The following SPP2 variants were observed in gnomAD, a reference collection of about 807,000 sequenced individuals.
The protein encoded by SPP2 is secreted phosphoprotein 24.
A neutral mutation model predicts 28.8 loss-of-function variants in SPP2; 34 were observed. That is an observed-to-expected ratio of 1.18 (90% CI 0.90 to 1.57). The LOEUF (loss-of-function observed/expected upper bound fraction) is 1.57. Ranked by LOEUF, SPP2 falls within the 40% of genes most tolerant of loss-of-function variation. The probability of loss-of-function intolerance (pLI) is 0.00; values close to 1 mark genes in which losing one functional copy is unlikely to be tolerated. For missense variants in SPP2, 269 were observed against 263.9 expected, an observed-to-expected ratio of 1.02 and a Z score of -0.13; for synonymous variants, 96 against 89.4, an observed-to-expected ratio of 1.07 and a Z score of -0.42.
chr2:234,058,142 C>T (rs142028192), intron 2 of SPP2, among the ~76,000 whole-genome samples: 2 of 152,314 alleles, frequency 1.3e-5, no homozygotes, highest in African/African-American at 2.4e-5. Context: ...TCACGACCAA[C>T]AGCACTGTGA....
chr2:234,068,203 T>C (rs891423596), intron 6 of SPP2, among the ~76,000 whole-genome samples: 20 of 152,246 alleles, frequency 1.3e-4, no homozygotes, highest in Non-Finnish European at 2.1e-4. Flanking sequence ...TTAAATGGCA[T>C]ATGCAAATTG....
At chr2:234,052,571 A>G (rs1208473028) in intron 2 of SPP2, among the ~76,000 whole-genome samples, 5 of 152,292 alleles carry the variant, frequency 3.3e-5, no homozygotes, top group Admixed American at 6.5e-5. Flanking sequence ...CCATCTTGGT[A>G]TAGTCACCCA....
Position 234,058,931 on chromosome 2 carries a change from A to G in SPP2, c.306A>G (p.Thr102=). ...AGGATTCTGGAGAAGATCCCGCTAC[A>G]TGTGCCTTCCAGAGGGACTACTATG... is the stretch of plus-strand genomic sequence containing the variant. ...CRKDSGEDPA[T]CAFQRDYYVS... The change falls in exon 3 of 8, where the codon ACA becomes ACG. Residue 102 remains threonine, a synonymous_variant. Transcript: ENST00000168148. The G allele has an allele frequency of 6.2e-7, 1 of 1,614,090 alleles. No homozygotes were observed. The highest frequency in any genetic ancestry group is 8.5e-7 in the Non-Finnish European group (1 of 1,179,962).
intron 2 of SPP2, among the ~76,000 whole-genome samples, chr2:234,055,433 A>G (rs1693586955): frequency 6.6e-6 from 1 of 152,218 alleles, no homozygotes. Context: ...TTAAATATTA[A>G]TCCCATTCAA....
Position 234,076,303 on chromosome 2 carries a change from C to T in SPP2, c.*11-542C>T, listed in dbSNP as rs201326997. ...GGTCCCAGTCTGGGTCTCACCTCCA[C>T]TCTCAGGCCCCCTCTGCTGGGATAC... is the stretch of plus-strand genomic sequence containing the variant. On this transcript the variant is annotated intron_variant, in intron 7 of 7. Transcript: ENST00000168148. Among the ~76,000 whole-genome samples, 7 of 152,290 alleles carry T rather than the reference C, an allele frequency of 4.6e-5. No homozygotes were observed. In the East Asian group the frequency reaches 1.4e-3, roughly 29 times the overall value.
chr2:234,071,014 C>G (rs930638599), intron 7 of SPP2, among the ~76,000 whole-genome samples: 4 of 152,156 alleles, frequency 2.6e-5, no homozygotes, highest in Non-Finnish European at 4.4e-5. Flanking sequence ...GACAAGCTCC[C>G]TTTCTTAATT....
At position 234,058,937 on chromosome 2, in the gene SPP2, C is replaced by T; in HGVS notation, c.312C>T (p.Ala104=). The T allele has an allele frequency of 1.2e-6, 2 of 1,613,988 alleles. No homozygotes were observed. Among genetic ancestry groups the T allele is most frequent in the Non-Finnish European group, 1.7e-6 (2 of 1,179,936 alleles). ...CTGGAGAAGATCCCGCTACATGTGC[C>T]TTCCAGAGGGACTACTATGTGGTAA... ...KDSGEDPATC[A]FQRDYYVSTA... Residue 104 remains alanine, a synonymous_variant, in exon 3 of 8, where the codon GCC becomes GCT. Transcript: ENST00000168148.
intron 4 of SPP2, among the ~76,000 whole-genome samples, chr2:234,061,640 C>G (rs1693721496): frequency 6.6e-6 from 1 of 152,018 alleles, no homozygotes; most frequent in Non-Finnish European, 1.5e-5. Flanking sequence ...TTAATTTTCC[C>G]ATATAATTAA....
intron 4 of SPP2, among the ~76,000 whole-genome samples, chr2:234,065,336 G>T (rs1693796173): frequency 6.6e-6 from 1 of 152,152 alleles, no homozygotes; most frequent in Non-Finnish European, 1.5e-5. Flanking sequence ...CTGGAGTGCG[G>T]TGGCACAATC....
chr2:234,058,122 A>T (rs1395841), intron 2 of SPP2, among the ~76,000 whole-genome samples: 48,277 of 152,032 alleles, frequency 0.32, 8,196 homozygotes, highest in East Asian at 0.52. Context: ...TTGATTCATT[A>T]ACATTGAACT....
intron 4 of SPP2, among the ~76,000 whole-genome samples, chr2:234,065,209 T>C (rs560051679): frequency 5.0e-4 from 76 of 152,354 alleles, no homozygotes; most frequent in South Asian, 4.3e-3. Context: ...CTATACATTT[T>C]TGTCAGTTCT....
intron 2 of SPP2, among the ~76,000 whole-genome samples, chr2:234,053,620 C>T (rs1156790918): frequency 1.3e-5 from 2 of 151,684 alleles, no homozygotes; most frequent in Non-Finnish European, 2.9e-5. Flanking sequence ...TGGGTATTAC[C>T]AACAGACCTA....
chr2:234,073,147 C>T (rs540788807), intron 7 of SPP2, among the ~76,000 whole-genome samples: 3 of 152,154 alleles, frequency 2.0e-5, no homozygotes, highest in Non-Finnish European at 2.9e-5. Context: ...CTTGGCCTCC[C>T]GAAGTGCTGG....
chr2:234,051,121 A>C (rs1443490196), intron 2 of SPP2, 26 bp downstream of exon 2: 7 of 1,607,132 alleles, frequency 4.4e-6, no homozygotes, highest in Non-Finnish European at 6.0e-6. Flanking sequence ...AATCTTCTCT[A>C]CTCCTCCTTC....
intron 7 of SPP2, among the ~76,000 whole-genome samples, chr2:234,073,291 T>A (rs1017087191): frequency 4.6e-5 from 7 of 152,248 alleles, no homozygotes; most frequent in Admixed American, 2.6e-4. Context: ...ATTAAAAATA[T>A]CTTTTGTCCA....
chr2:234,053,544 G>A (rs1693542699), intron 2 of SPP2, among the ~76,000 whole-genome samples: 2 of 151,696 alleles, frequency 1.3e-5, no homozygotes, highest in Admixed American at 6.6e-5. Context: ...CAGTCTCTGA[G>A]GGCGGGACTC....
intron 7 of SPP2, among the ~76,000 whole-genome samples, chr2:234,073,183 TG>T (rs1470349075): frequency 2.0e-5 from 3 of 152,238 alleles, no homozygotes; most frequent in Non-Finnish European, 2.9e-5. Flanking sequence ...CCACCACGCC[TG>T]GCCGACCATA....
chr2:234,069,633 A>T (rs1171586205), intron 6 of SPP2, among the ~76,000 whole-genome samples: 1 of 152,120 alleles, frequency 6.6e-6, no homozygotes, highest in Non-Finnish European at 1.5e-5. Flanking sequence ...GAGGACTGAA[A>T]GATAAATGTG....
intron 6 of SPP2, among the ~76,000 whole-genome samples, chr2:234,067,630 A>G (rs1693849170): frequency 6.6e-6 from 1 of 151,898 alleles, no homozygotes; most frequent in Non-Finnish European, 1.5e-5. Flanking sequence ...ACAACAAATT[A>G]GCCGGGCGTA....
Sources: allele counts gnomAD v4.1 joint callset (sites outside exome capture counted in the v4.1 genomes callset), GRCh38; gene constraint gnomAD v4.1.1; transcripts MANE v1.5; gene names NCBI Gene and HGNC (gene_info 2026-07-23, HGNC 2026-07-21).